Variants in ABLIM2 observed in about 807,000 individuals in gnomAD.
ABLIM2 encodes the protein actin-binding LIM protein 2.
Under a neutral mutation model 97.7 loss-of-function variants are expected in ABLIM2, and 53 were observed. The ratio of observed to expected loss-of-function variants is 0.54; its 90% CI spans 0.44 to 0.68. ABLIM2 has a LOEUF of 0.68. ABLIM2 is among the 30% of genes least tolerant of loss of function. The pLI is 0.00. For synonymous variants in ABLIM2, 361 were observed against 345.8 expected, an observed-to-expected ratio of 1.04 and a Z score of -0.49; for missense variants, 835 against 867.2, an observed-to-expected ratio of 0.96 and a Z score of 0.47.
At chr4:8,133,313 G>GCCCCTCCACACACAGCT (rs1849691774) in intron 1 of ABLIM2, among the ~76,000 whole-genome samples, 1 of 152,206 alleles carries the variant, frequency 6.6e-6, no homozygotes, top group African/African-American at 2.4e-5. Context: ...TCAACCCACA[G>GCCCCTCCACACACAGCT]CGGCGGCTTT....
chr4:8,153,654 C>G (rs769492442), intron 1 of ABLIM2, among the ~76,000 whole-genome samples: 4 of 152,248 alleles, frequency 2.6e-5, no homozygotes, highest in Non-Finnish European at 4.4e-5. Context: ...GATAGTGGCC[C>G]TGCAGAACGG....
At chr4:8,136,240 T>A (rs902026544) in intron 1 of ABLIM2, among the ~76,000 whole-genome samples, 3 of 152,024 alleles carry the variant, frequency 2.0e-5, no homozygotes, top group Non-Finnish European at 2.9e-5. Flanking sequence ...CCAAGAGTCG[T>A]CAACTTCATA....
At position 8,158,699 on chromosome 4, in the gene ABLIM2, C is replaced by T. The variant is rs1425502664; in HGVS notation, c.-10G>A. 1 of 1,459,324 alleles carries T rather than the reference C, an allele frequency of 6.9e-7. No individual in the cohort carries two copies. The allele number at this position is 1,459,324 out of a possible 1,614,324, so 90.4% of individuals were successfully genotyped here. On this transcript the variant is annotated 5_prime_UTR_variant, in exon 1 of 21. Transcript: ENST00000447017. Reference sequence around the variant, plus strand: ...ACCCACCTGCACTCATCTCAGCAGCCGCTCGGAGTCGGGGCGGCCCGGCGC... The same window carrying T: ...ACCCACCTGCACTCATCTCAGCAGCTGCTCGGAGTCGGGGCGGCCCGGCGC...
chr4:8,111,866 G>A (rs1043180057), intron 1 of ABLIM2, among the ~76,000 whole-genome samples: 4 of 147,150 alleles, frequency 2.7e-5, no homozygotes, highest in African/African-American at 1.0e-4. Flanking sequence ...GGCAGAGGTC[G>A]CAGTGAGCCA....
intron 11 of ABLIM2, among the ~76,000 whole-genome samples, chr4:8,029,064 C>T (rs1380063203): frequency 2.0e-5 from 3 of 150,454 alleles, no homozygotes; most frequent in South Asian, 2.2e-4. Context: ...GATTGATACA[C>T]AGCTGGGCGC....
chr4:7,998,277 T>C lies in ABLIM2; in HGVS notation c.1619-5350A>G, dbSNP rs1754770722. ...GCAGTATCCTGGGCATTTTGGATAT[T>C]ATGTTAGAAGACTGATCTTGTTAAG... On this transcript the variant is annotated intron_variant, in intron 16 of 20. Transcript: ENST00000447017. This position sits in a 1 kb window ranked among gnomAD's most constrained non-coding sequence, Gnocchi z 6.4. 6.6e-6 allele frequency among the ~76,000 whole-genome samples: 1 copy of C among 152,158 alleles called. No homozygotes were observed. Among genetic ancestry groups the C allele is most frequent in the Non-Finnish European group, 1.5e-5 (1 of 68,028 alleles).
Position 7,986,852 on chromosome 4 carries a change from T to C in ABLIM2, c.1681-1959A>G, listed in dbSNP as rs1013024671. 6.6e-6 allele frequency among the ~76,000 whole-genome samples: 1 copy of C among 152,148 alleles called. No homozygotes were observed. The highest frequency in any genetic ancestry group is 6.5e-5 in the Admixed American group (1 of 15,274). Reference sequence around the variant, plus strand: ...CACGGCGAGATAATTTTTGTATTTTTAGTAGAGATGGGTTTCACATGTTGG... The same window carrying C: ...CACGGCGAGATAATTTTTGTATTTTCAGTAGAGATGGGTTTCACATGTTGG... On this transcript the variant is annotated intron_variant, in intron 17 of 20. Transcript: ENST00000447017. This position sits in a 1 kb window ranked among gnomAD's most constrained non-coding sequence, Gnocchi z 4.3.
chr4:8,001,647 C>G lies in ABLIM2; in HGVS notation c.1618+6412G>C, dbSNP rs1340830230. On this transcript the variant is annotated intron_variant, in intron 16 of 20. Transcript: ENST00000447017. This position sits in a 1 kb window ranked among gnomAD's most constrained non-coding sequence, Gnocchi z 4.2. ...AGAAAGGTCATCACTGTGGCCCCAG[C>G]TGGCCACTCCTCCCTAACAGCCTCT... Among the ~76,000 whole-genome samples the G allele has an allele frequency of 6.6e-6, 1 of 152,140 alleles. No homozygotes were observed. The highest frequency in any genetic ancestry group is 1.5e-5 in the Non-Finnish European group (1 of 68,002).
Position 8,023,301 on chromosome 4 carries a change from T to A in ABLIM2, c.1268-2998A>T, listed in dbSNP as rs1213616718. On this transcript the variant is annotated intron_variant, in intron 12 of 20. Transcript: ENST00000447017. The surrounding 1 kb of genome is among the most constrained non-coding windows in gnomAD (Gnocchi z 5.7). ...GCTCCAGGATCCCACCCAGGAAACA[T>A]GACGTTCTGTCGGCACGTCTCCCAA... Among the ~76,000 whole-genome samples the A allele has an allele frequency of 6.6e-6, 1 of 152,230 alleles. No individual in the cohort carries two copies. The highest frequency in any genetic ancestry group is 1.5e-5 in the Non-Finnish European group (1 of 68,044).
At chr4:8,138,505 C>G (rs916572589) in intron 1 of ABLIM2, among the ~76,000 whole-genome samples, 2 of 152,128 alleles carry the variant, frequency 1.3e-5, no homozygotes, top group African/African-American at 4.8e-5. Context: ...CAGCATGGTA[C>G]TGGTACAAAA....
chr4:8,079,777 C>A (rs965580055), intron 5 of ABLIM2, among the ~76,000 whole-genome samples: 1 of 151,992 alleles, frequency 6.6e-6, no homozygotes, highest in African/African-American at 2.4e-5. Flanking sequence ...TGTGTGTGTG[C>A]GCGCGCCTCA....
intron 17 of ABLIM2, among the ~76,000 whole-genome samples, chr4:7,990,441 C>T (rs990732849): frequency 2.0e-5 from 3 of 152,126 alleles, no homozygotes; most frequent in African/African-American, 7.2e-5. Context: ...CTGCCTCGGC[C>T]TCCCAAAGTG....
rs1260658211 is a variant in ABLIM2 at position 8,043,848 on chromosome 4, C to T, written c.900+1316G>A. Reference sequence around the variant, plus strand: ...GGCAGCGCCTCAGTGAGCCCTGGACCGAAGGTGCCTGGGGGTCTCCGTGGA... The same window carrying T: ...GGCAGCGCCTCAGTGAGCCCTGGACTGAAGGTGCCTGGGGGTCTCCGTGGA... On this transcript the variant is annotated intron_variant, in intron 9 of 20. Transcript: ENST00000447017. The surrounding 1 kb of genome is among the most constrained non-coding windows in gnomAD (Gnocchi z 4.8). Among the ~76,000 whole-genome samples, 3 of 152,198 alleles carry T rather than the reference C, an allele frequency of 2.0e-5. No individual in the cohort carries two copies. The highest frequency in any genetic ancestry group is 4.4e-5 in the Non-Finnish European group (3 of 68,030).
At chr4:8,118,022 C>G (rs1697668083) in intron 1 of ABLIM2, among the ~76,000 whole-genome samples, 1 of 152,252 alleles carries the variant, frequency 6.6e-6, no homozygotes, top group African/African-American at 2.4e-5. Flanking sequence ...TTTTCAGAGG[C>G]CTGTGTTATG....
intron 20 of ABLIM2, among the ~76,000 whole-genome samples, chr4:7,974,773 C>T (rs781376389): frequency 6.6e-6 from 1 of 152,168 alleles, no homozygotes; most frequent in Non-Finnish European, 1.5e-5. Flanking sequence ...ATCCATCTAT[C>T]TATCCATCCA....
intron 1 of ABLIM2, among the ~76,000 whole-genome samples, chr4:8,126,556 TG>T (rs1848044040): frequency 6.6e-6 from 1 of 152,038 alleles, no homozygotes; most frequent in South Asian, 2.1e-4. Context: ...TTGGAGCTAT[TG>T]GAATTGCTGG....
At chr4:8,109,162 C>G (rs749265749) in intron 1 of ABLIM2, among the ~76,000 whole-genome samples, 1 of 152,190 alleles carries the variant, frequency 6.6e-6, no homozygotes, top group African/African-American at 2.4e-5. Flanking sequence ...GAACTCCCAG[C>G]CCCCTCTTCT....
rs573832328 is a variant in ABLIM2, at chr4:8,120,026, A to G, written c.11-13389T>C. On this transcript the variant is annotated intron_variant, in intron 1 of 20. Transcript: ENST00000447017. This position sits in a 1 kb window ranked among gnomAD's most constrained non-coding sequence, Gnocchi z 5.6. Reference sequence around the variant, plus strand: ...GGCAGGGGTCCATGAGGACAAAGTCACTCTTGGCCACAAATAGGCTCTGTT... The same window carrying G: ...GGCAGGGGTCCATGAGGACAAAGTCGCTCTTGGCCACAAATAGGCTCTGTT... Among the ~76,000 whole-genome samples, 108 of 152,010 alleles carry G rather than the reference A, an allele frequency of 7.1e-4. No individual in the cohort carries two copies. The highest frequency in any genetic ancestry group is 2.3e-3 in the African/African-American group (96 of 41,450).
chr4:7,993,029 A>G, intron 16 of ABLIM2, 102 bp from the exon 17 acceptor site: 2 of 1,248,492 alleles, frequency 1.6e-6, no homozygotes, highest in Non-Finnish European at 2.3e-6. Context: ...AAGGCTGGGC[A>G]AGCAACACAG....
Sources: gnomAD v4.1 joint callset for allele counts (sites outside exome capture counted in the v4.1 genomes callset) on GRCh38, gnomAD v4.1.1 for gene constraint, Gnocchi (gnomAD v3.1) non-coding constraint, MANE v1.5 for transcripts, NCBI Gene and HGNC (gene_info 2026-07-23, HGNC 2026-07-21) for gene names.